Variants in KIAA1671 observed in about 807,000 individuals in gnomAD.
KIAA1671 encodes uncharacterized protein KIAA1671.
In KIAA1671, 52 loss-of-function variants were observed where a neutral mutation model predicts 131.2. The ratio of observed to expected loss-of-function variants is 0.40; its 90% CI spans 0.32 to 0.50. The LOEUF (loss-of-function observed/expected upper bound fraction) is 0.50. KIAA1671 is among the 20% of genes least tolerant of loss of function. KIAA1671 has a pLI of 0.73. For synonymous variants in KIAA1671, 1,003 were observed against 961.6 expected, an observed-to-expected ratio of 1.04 and a Z score of -0.80; for missense variants, 2,360 against 2,364.2, an observed-to-expected ratio of 1.00 and a Z score of 0.04.
In KIAA1671 at chr22:25,029,145, C is replaced by G; in HGVS notation, c.1146C>G (p.Asp382Glu). The change falls in exon 3 of 13, where the codon GAC becomes GAG. Residue 382 changes from aspartate (D) to glutamate (E), a missense_variant. Asp to Glu is a conservative substitution (Grantham distance 45). This residue lies in a region of KIAA1671 where 1,185 missense variants were observed against 1,126.2 expected (regional missense o/e 1.05). Coordinates refer to ENST00000358431, the MANE Select transcript of KIAA1671 (RefSeq NM_001145206.2). Reference protein sequence around the residue: ...GGSSGVTPSNDQSPWEEKAKL... With the variant: ...GGSSGVTPSNEQSPWEEKAKL... ...CATCTGGGGTCACCCCCAGCAATGACCAGAGTCCCTGGGAAGAAAAGGCCA... is the reference window on the plus strand; with the variant it reads ...CATCTGGGGTCACCCCCAGCAATGAGCAGAGTCCCTGGGAAGAAAAGGCCA... The G allele has an allele frequency of 6.9e-7, 1 of 1,456,794 alleles. No individual in the cohort carries two copies. The highest frequency in any genetic ancestry group is 9.1e-7 in the Non-Finnish European group (1 of 1,102,148). The allele number at this position is 1,456,794 out of a possible 1,614,324, so 90.2% of individuals were successfully genotyped here.
In KIAA1671 at chr22:25,039,433, TG is replaced by T; in HGVS notation, c.2304del (p.Lys769ArgfsTer30). On this transcript the variant is annotated frameshift_variant, in exon 5 of 13. Transcript: ENST00000358431. LOFTEE classifies it high-confidence loss of function. ...CGCAGCCTCAGGTCTTGGCTCTCACTGAAGGACAGGCAGCTGTCCCAGGAGG... is the reference window on the plus strand; with the variant it reads ...CGCAGCCTCAGGTCTTGGCTCTCACTAAGGACAGGCAGCTGTCCCAGGAGG... ...TLRSLRSWLS[L>X]KDRQLSQEVT... 6.4e-7 allele frequency: 1 copy of T among 1,551,804 alleles called. No individual in the cohort carries two copies. Among genetic ancestry groups the T allele is most frequent in the Non-Finnish European group, 8.7e-7 (1 of 1,147,014 alleles).
intron 6 of KIAA1671, among the ~76,000 whole-genome samples, chr22:25,113,388 G>A (rs991644787): frequency 6.6e-6 from 1 of 152,222 alleles, no homozygotes; most frequent in South Asian, 2.1e-4. Context: ...GGAGACTTCT[G>A]CCACCTGACT....
chr22:25,056,380 G>A (rs955525826), intron 6 of KIAA1671: 2 of 149,358 alleles, frequency 1.3e-5, no homozygotes, highest in South Asian at 4.6e-4. Flanking sequence ...ATACAGAAAA[G>A]AGCTCATATC....
chr22:25,116,218 A>G (rs1034379640), intron 6 of KIAA1671, among the ~76,000 whole-genome samples: 2 of 152,104 alleles, frequency 1.3e-5, no homozygotes, highest in Non-Finnish European at 2.9e-5. Context: ...GACTACAGGC[A>G]TGTGCCACCA....
chr22:25,074,496 C>CAAAAAAAA (rs759898395), intron 6 of KIAA1671, among the ~76,000 whole-genome samples: 50 of 63,822 alleles, frequency 7.8e-4, no homozygotes, highest in Middle Eastern at 0.011. Flanking sequence ...GGCTGTGTCT[C>CAAAAAAAA]AAAAAAAAAA....
At chr22:25,150,142 C>T (rs1252269923) in intron 6 of KIAA1671, among the ~76,000 whole-genome samples, 1 of 152,240 alleles carries the variant, frequency 6.6e-6, no homozygotes, top group Non-Finnish European at 1.5e-5. Context: ...TGAGCGAGCA[C>T]CAGACAACCT....
At chr22:25,169,958 G>A (rs541722795) in intron 6 of KIAA1671, among the ~76,000 whole-genome samples, 3 of 152,200 alleles carry the variant, frequency 2.0e-5, no homozygotes, top group South Asian at 2.1e-4. Context: ...TCTCTCTGTC[G>A]CCCAGGCTGG....
At chr22:24,987,503 G>C (rs570995135) in intron 1 of KIAA1671, among the ~76,000 whole-genome samples, 1 of 152,216 alleles carries the variant, frequency 6.6e-6, no homozygotes, top group East Asian at 1.9e-4. Flanking sequence ...GTCTCACTCT[G>C]TTGCCCAGTC....
chr22:25,031,988 C>T (rs1163120244), intron 3 of KIAA1671, among the ~76,000 whole-genome samples: 2 of 152,210 alleles, frequency 1.3e-5, no homozygotes, highest in African/African-American at 4.8e-5. Flanking sequence ...CACCAGAATG[C>T]TCTCCAGAGA....
chr22:25,140,488 G>A (rs1932791721), intron 6 of KIAA1671, among the ~76,000 whole-genome samples: 1 of 152,114 alleles, frequency 6.6e-6, no homozygotes, highest in African/African-American at 2.4e-5. Context: ...CCATTCTCAA[G>A]GCAGGGTCTT....
intron 8 of KIAA1671, 113 bp from the exon 9 acceptor site, chr22:25,177,235 A>C: frequency 9.8e-7 from 1 of 1,018,958 alleles, no homozygotes; most frequent in Non-Finnish European, 1.4e-6. Context: ...CCTAGGTACC[A>C]CCTAAATAGC....
At chr22:24,979,168 G>GTTTTTTTT (rs1602040663) in intron 1 of KIAA1671, among the ~76,000 whole-genome samples, 6 of 76,832 alleles carry the variant, frequency 7.8e-5, no homozygotes, top group African/African-American at 4.0e-4. Flanking sequence ...GCTAATTTTT[G>GTTTTTTTT]TATTTTTTTT....
At chr22:25,055,257 T>G (rs1410299206) in intron 6 of KIAA1671, 2 of 149,934 alleles carry the variant, frequency 1.3e-5, no homozygotes, top group African/African-American at 4.9e-5. Context: ...CAACTTGAAA[T>G]AAGTGGGAAC....
At chr22:25,046,736 A>T (rs1200661186) in intron 5 of KIAA1671, among the ~76,000 whole-genome samples, 2 of 152,120 alleles carry the variant, frequency 1.3e-5, no homozygotes, top group Admixed American at 6.6e-5. Context: ...ACTTTTCCAT[A>T]ATAAAGAGCA....
intron 1 of KIAA1671, among the ~76,000 whole-genome samples, chr22:24,972,458 A>ATG (rs1922672414): frequency 1.3e-5 from 2 of 151,406 alleles, no homozygotes; most frequent in African/African-American, 4.9e-5. Flanking sequence ...TCATGCATGC[A>ATG]CGCATGCATG....
intron 6 of KIAA1671, among the ~76,000 whole-genome samples, chr22:25,137,014 C>T (rs577149091): frequency 6.6e-6 from 1 of 152,258 alleles, no homozygotes; most frequent in South Asian, 2.1e-4. Context: ...GCTCCGCAAT[C>T]CTATTATTCT....
intron 1 of KIAA1671, among the ~76,000 whole-genome samples, chr22:24,969,149 C>T (rs1048192418): frequency 7.2e-5 from 11 of 152,178 alleles, no homozygotes; most frequent in African/African-American, 2.4e-4. Context: ...GATCTGCCCA[C>T]CTCAGCCTCC....
chr22:25,092,836 G>T (rs919491270), intron 6 of KIAA1671, among the ~76,000 whole-genome samples: 2 of 152,116 alleles, frequency 1.3e-5, no homozygotes, highest in African/African-American at 2.4e-5. Flanking sequence ...GAGCTGTTGC[G>T]AGTTGGTGGG....
chr22:25,116,380 C>G (rs1297020782), intron 6 of KIAA1671, among the ~76,000 whole-genome samples: 2 of 143,500 alleles, frequency 1.4e-5, no homozygotes, highest in Non-Finnish European at 3.0e-5. Flanking sequence ...ACCCCCTCCA[C>G]CAGTATGTAT....
Sources: gnomAD v4.1 joint callset for allele counts (sites outside exome capture counted in the v4.1 genomes callset) on GRCh38, gnomAD v4.1.1 for gene constraint, gnomAD v4.1.1 regional missense constraint, MANE v1.5 for transcripts, NCBI Gene and HGNC (gene_info 2026-07-23, HGNC 2026-07-21) for gene names.